The following ITGA2 variants were observed in gnomAD, a reference collection of about 807,000 sequenced individuals.
ITGA2 encodes the protein integrin alpha-2.
In ITGA2, 101 loss-of-function variants were observed where a neutral mutation model predicts 146.3. The observed-to-expected ratio is 0.69, with a 90% CI of 0.59 to 0.81. The LOEUF (loss-of-function observed/expected upper bound fraction) is 0.81, where lower values mean the gene tolerates loss of function less well. Ranked by LOEUF, ITGA2 falls within the 40% of genes least tolerant of loss-of-function variation. The pLI is 0.00. For missense variants in ITGA2, 1,281 were observed against 1,402.7 expected, an observed-to-expected ratio of 0.91 and a Z score of 1.39; for synonymous variants, 477 against 487.1, an observed-to-expected ratio of 0.98 and a Z score of 0.27.
chr5:52,997,250 CA>C (rs1419029298), intron 1 of ITGA2, among the ~76,000 whole-genome samples: 64 of 152,236 alleles, frequency 4.2e-4, no homozygotes, highest in African/African-American at 1.5e-3. Context: ...AAATAGGTAA[CA>C]GAAACTTTGC....
intron 7 of ITGA2, among the ~76,000 whole-genome samples, chr5:53,055,324 C>T (rs1744578282): frequency 1.3e-5 from 2 of 152,034 alleles, no homozygotes; most frequent in South Asian, 4.1e-4. Flanking sequence ...CCCTGACACA[C>T]AAGACATTGT....
Position 53,094,196 on chromosome 5 carries a change from A to AATTTATAAACAATTTTGTAGGACT in ITGA2, c.*3599_*3600insTTATAAACAATTTTGTAGGACTAT, listed in dbSNP as rs57674800. On this transcript the variant is annotated 3_prime_UTR_variant, in exon 30 of 30. Transcript: ENST00000296585. ...ATATTTCAATTTGCACACATAAAAC[A>AATTTATAAACAATTTTGTAGGACT]ATGCCCTTTTGTGTACATTCAGGCA... 179 of 152,082 alleles carry AATTTATAAACAATTTTGTAGGACT rather than the reference A, an allele frequency of 1.2e-3. 1 individual carries two copies. The South Asian group carries it at 0.027, about 23-fold the overall frequency. The allele number at this position is 152,082 out of a possible 1,614,324, so 9.4% of individuals were successfully genotyped here.
At chr5:53,013,257 CTT>C (rs1223255334) in intron 1 of ITGA2, among the ~76,000 whole-genome samples, 4 of 152,080 alleles carry the variant, frequency 2.6e-5, no homozygotes, top group Non-Finnish European at 5.9e-5. Flanking sequence ...TTAAATCTAT[CTT>C]GAGTTGATTT....
At chr5:53,023,640 T>G (rs918548029) in intron 1 of ITGA2, among the ~76,000 whole-genome samples, 2 of 152,168 alleles carry the variant, frequency 1.3e-5, no homozygotes, top group African/African-American at 2.4e-5. Context: ...ATGATCCATT[T>G]TTTAAGTATG....
chr5:53,003,700 A>G (rs1741692971), intron 1 of ITGA2, among the ~76,000 whole-genome samples: 1 of 152,226 alleles, frequency 6.6e-6, no homozygotes, highest in African/African-American at 2.4e-5. Flanking sequence ...CAGGGGGAGG[A>G]GACTTAAGAT....
intron 7 of ITGA2, among the ~76,000 whole-genome samples, chr5:53,053,338 G>GT (rs758602065): frequency 6.6e-6 from 1 of 152,116 alleles, no homozygotes; most frequent in Non-Finnish European, 1.5e-5. Flanking sequence ...GACAATAAAG[G>GT]TTTTTTGGGC....
chr5:53,057,949 T>A, intron 9 of ITGA2, 76 bp from the exon 10 acceptor site: 2 of 1,006,558 alleles, frequency 2.0e-6, no homozygotes, highest in South Asian at 2.6e-5. Flanking sequence ...TGTGTGTACA[T>A]ACGTGCCTGC....
At chr5:53,086,807 GCA>G in intron 27 of ITGA2, 143 bp from the exon 28 acceptor site, 1 of 702,968 alleles carries the variant, frequency 1.4e-6, no homozygotes, top group South Asian at 1.5e-5. Context: ...ACTGGTTTAA[GCA>G]CACACAGATT....
At chr5:53,013,690 T>C (rs1742265838) in intron 1 of ITGA2, among the ~76,000 whole-genome samples, 1 of 152,168 alleles carries the variant, frequency 6.6e-6, no homozygotes. Flanking sequence ...ATAAATTGGA[T>C]TGGGAAGTAT....
At chr5:53,071,855 A>G (rs1361324882) in intron 17 of ITGA2, 83 bp from the exon 18 acceptor site, 8 of 929,532 alleles carry the variant, frequency 8.6e-6, no homozygotes, top group African/African-American at 1.6e-5. Context: ...ACACATTTGG[A>G]ATCATTTTCT....
chr5:53,090,623 G>GA lies in ITGA2; in HGVS notation c.*26dup. 6.3e-7 allele frequency: 1 copy of GA among 1,582,456 alleles called. No individual in the cohort carries two copies. Among genetic ancestry groups the GA allele is most frequent in the Non-Finnish European group, 8.7e-7 (1 of 1,151,202 alleles). On this transcript the variant is annotated 3_prime_UTR_variant, in exon 30 of 30. Transcript: ENST00000296585. ...GAACCAGCAGACCTACCTGCAGTGGGAACCGGCAGCATCCCAGCCAGGGTT... is the reference window on the plus strand; with the variant it reads ...GAACCAGCAGACCTACCTGCAGTGGGAAACCGGCAGCATCCCAGCCAGGGTT...
At chr5:52,991,792 A>G (rs1740966678) in intron 1 of ITGA2, among the ~76,000 whole-genome samples, 1 of 152,206 alleles carries the variant, frequency 6.6e-6, no homozygotes, top group Non-Finnish European at 1.5e-5. Flanking sequence ...GTTTAGTCCT[A>G]TATTTATCAC....
intron 1 of ITGA2, among the ~76,000 whole-genome samples, chr5:53,008,645 TC>T (rs1328956992): frequency 8.7e-4 from 7 of 8,062 alleles, no homozygotes; most frequent in Non-Finnish European, 3.8e-3. Flanking sequence ...AGCTAGAGTC[TC>T]TCTCTCTCTG....
At chr5:53,000,897 GTTTTT>G (rs369482288) in intron 1 of ITGA2, among the ~76,000 whole-genome samples, 1 of 97,226 alleles carries the variant, frequency 1.0e-5, no homozygotes, top group Admixed American at 1.3e-4. Flanking sequence ...TTTTCTTTTT[GTTTTT>G]TTTTTTTTTT....
At chr5:52,999,591 A>C (rs1741468818) in intron 1 of ITGA2, among the ~76,000 whole-genome samples, 1 of 152,064 alleles carries the variant, frequency 6.6e-6, no homozygotes, top group Middle Eastern at 3.2e-3. Flanking sequence ...CAGAGGGCCC[A>C]GATAGATGCC....
In ITGA2 at chr5:53,019,065, A is replaced by AAAATAAATAAAT. The variant is rs3212415; in HGVS notation, c.65-7667_65-7656dup. Among the ~76,000 whole-genome samples the AAAATAAATAAAT allele has an allele frequency of 1.2e-3, 176 of 151,258 alleles. 2 individuals carry two copies. In the Middle Eastern group the frequency reaches 0.024, roughly 20 times the overall value. ...GGTAACAGAGCGAGACTCCAGTCTC[A>AAAATAAATAAAT]AAATAAATAAATAAATAAATAAATA... On this transcript the variant is annotated intron_variant, in intron 1 of 29. Transcript: ENST00000296585.
rs974344032 is a variant in ITGA2, at chr5:53,069,517, A to G, written c.2084-592A>G. On this transcript the variant is annotated intron_variant, in intron 16 of 29. Coordinates refer to ENST00000296585, the MANE Select transcript of ITGA2 (RefSeq NM_002203.4). ...TAGAGTATCTCAGTTAATCTTCACAATAACAATTAATTCTTACAACTGGAT... is the reference window on the plus strand; with the variant it reads ...TAGAGTATCTCAGTTAATCTTCACAGTAACAATTAATTCTTACAACTGGAT... 9.2e-5 allele frequency among the ~76,000 whole-genome samples: 14 copies of G among 152,000 alleles called. No homozygotes were observed. The East Asian group carries it at 2.7e-3, about 30-fold the overall frequency.
chr5:53,039,343 G>T (rs926943622), intron 2 of ITGA2, among the ~76,000 whole-genome samples: 1 of 152,122 alleles, frequency 6.6e-6, no homozygotes, highest in Non-Finnish European at 1.5e-5. Flanking sequence ...TAGTAGATAC[G>T]CAGAGGCTGA....
In ITGA2 at chr5:53,083,465, TTTTA is replaced by T. The variant is rs1746020650; in HGVS notation, c.3258+16_3258+19del. 1 of 1,425,182 alleles carries T rather than the reference TTTTA, an allele frequency of 7.0e-7. No individual in the cohort carries two copies. The highest frequency in any genetic ancestry group is 1.4e-5 in the African/African-American group (1 of 71,444). The allele number at this position is 1,425,182 out of a possible 1,614,324, so 88.3% of individuals were successfully genotyped here. On this transcript the variant is annotated intron_variant, in intron 27 of 29. Coordinates refer to ENST00000296585, the MANE Select transcript of ITGA2 (RefSeq NM_002203.4). ...GGACTTTCGCATCAGTAAGTATCAG[TTTTA>T]TTTGTTAGATTTATCAATAGCAAGG...
Sources: gnomAD v4.1 joint callset for allele counts (sites outside exome capture counted in the v4.1 genomes callset) on GRCh38, gnomAD v4.1.1 for gene constraint, MANE v1.5 for transcripts, NCBI Gene and HGNC (gene_info 2026-07-23, HGNC 2026-07-21) for gene names.